The following AUTS2 variants were observed in gnomAD, a reference collection of about 807,000 sequenced individuals.
AUTS2 encodes autism susceptibility gene 2 protein.
In AUTS2, 17 loss-of-function variants were observed where a neutral mutation model predicts 112.4. That is an observed-to-expected ratio of 0.15 (90% CI 0.10 to 0.23). The LOEUF is 0.23. AUTS2 is among the 10% of genes least tolerant of loss of function. The pLI is 1.00. For missense variants in AUTS2, 1,510 were observed against 1,701.6 expected, an observed-to-expected ratio of 0.89 and a Z score of 1.98; for synonymous variants, 751 against 702.7, an observed-to-expected ratio of 1.07 and a Z score of -1.09.
intron 1 of AUTS2, among the ~76,000 whole-genome samples, chr7:69,696,190 G>A (rs956112103): frequency 3.9e-5 from 6 of 152,096 alleles, no homozygotes; most frequent in Non-Finnish European, 2.9e-5. Context: ...GGTTAGCCTC[G>A]GTGCACCTCT....
At chr7:69,862,918 G>A (rs116396917) in intron 1 of AUTS2, among the ~76,000 whole-genome samples, 65 of 152,294 alleles carry the variant, frequency 4.3e-4, no homozygotes, top group African/African-American at 1.6e-3. Context: ...GCCAAGCTGA[G>A]CTGTTTAAAA....
At chr7:70,783,352 A>G (rs752409090) in intron 15 of AUTS2, 9 of 152,148 alleles carry the variant, frequency 5.9e-5, no homozygotes, top group Non-Finnish European at 1.3e-4. Context: ...CCAATTCCGA[A>G]CTACTGTGAC....
chr7:70,197,560 C>G (rs1377064208), intron 4 of AUTS2, among the ~76,000 whole-genome samples: 1 of 115,286 alleles, frequency 8.7e-6, no homozygotes, highest in East Asian at 2.5e-4. Context: ...GTTCCCTTTC[C>G]GAGTCAAAGA....
intron 4 of AUTS2, among the ~76,000 whole-genome samples, chr7:70,393,570 C>G (rs879392700): frequency 6.6e-6 from 1 of 152,156 alleles, no homozygotes; most frequent in East Asian, 1.9e-4. Context: ...CTGTGTCTCA[C>G]AAGCACCTGT....
chr7:69,622,518 A>C (rs1793723079), intron 1 of AUTS2, among the ~76,000 whole-genome samples: 2 of 152,184 alleles, frequency 1.3e-5, no homozygotes, highest in Admixed American at 1.3e-4. Flanking sequence ...CTGTCATTAA[A>C]CCTCTGGAAA....
At chr7:70,086,242 A>G (rs1380683543) in intron 2 of AUTS2, among the ~76,000 whole-genome samples, 3 of 152,218 alleles carry the variant, frequency 2.0e-5, no homozygotes, top group Non-Finnish European at 2.9e-5. Context: ...TATTGAATCT[A>G]TAGACCAATT....
At chr7:70,131,902 G>A (rs933261364) in intron 3 of AUTS2, among the ~76,000 whole-genome samples, 6 of 151,788 alleles carry the variant, frequency 4.0e-5, no homozygotes, top group African/African-American at 1.5e-4. Flanking sequence ...CTGAATACAA[G>A]GCCGTAGTCA....
At chr7:70,418,523 G>A (rs559976125) in intron 4 of AUTS2, among the ~76,000 whole-genome samples, 9 of 152,208 alleles carry the variant, frequency 5.9e-5, no homozygotes, top group African/African-American at 2.2e-4. Context: ...TTGTGAGTGG[G>A]ACAAAAAAGT....
Position 70,069,708 on chromosome 7 carries a change from GT to G in AUTS2, c.523-48411del, listed in dbSNP as rs5884773. ...TCTATCAAAGGCCATGGTTTTTTTT[GT>G]TTTTTTTTTTTTCCTGTCCAGAGAC... On this transcript the variant is annotated intron_variant, in intron 2 of 18. Transcript: ENST00000342771. Among the ~76,000 whole-genome samples, 321 of 139,340 alleles carry G rather than the reference GT, an allele frequency of 2.3e-3. 3 individuals carry two copies. Among genetic ancestry groups the G allele is most frequent in the East Asian group, 8.0e-3 (38 of 4,760 alleles). The allele number at this position is 139,340 out of a possible 152,430, so 91.4% of individuals were successfully genotyped here. A position where few individuals can be genotyped will look rare whatever the true frequency, so the allele number is the denominator to read the frequency against.
At chr7:69,955,881 C>T (rs1436286511) in intron 2 of AUTS2, among the ~76,000 whole-genome samples, 1 of 152,144 alleles carries the variant, frequency 6.6e-6, no homozygotes, top group Non-Finnish European at 1.5e-5. Flanking sequence ...TTATTGCTCT[C>T]AGAGGTGTTT....
intron 1 of AUTS2, among the ~76,000 whole-genome samples, chr7:69,893,277 TA>T (rs1447598025): frequency 6.6e-6 from 1 of 152,236 alleles, no homozygotes; most frequent in Admixed American, 6.5e-5. Context: ...AATCTGTTCA[TA>T]AAGTCCATTT....
intron 1 of AUTS2, among the ~76,000 whole-genome samples, chr7:69,662,091 T>G (rs914942594): frequency 1.3e-5 from 2 of 152,146 alleles, no homozygotes; most frequent in Non-Finnish European, 2.9e-5. Context: ...CATGTATACT[T>G]CTTATTCCCT....
chr7:69,886,007 C>CAA (rs1326101148), intron 1 of AUTS2, among the ~76,000 whole-genome samples: 1 of 152,274 alleles, frequency 6.6e-6, no homozygotes, highest in East Asian at 1.9e-4. Context: ...GCTCTGGAGG[C>CAA]AAACCCTCCA....
intron 4 of AUTS2, among the ~76,000 whole-genome samples, chr7:70,243,536 A>G (rs1370835411): frequency 2.6e-5 from 4 of 152,084 alleles, no homozygotes; most frequent in East Asian, 3.9e-4. Flanking sequence ...ACTCTTTACT[A>G]TGTACCTTAT....
At chr7:69,763,082 G>A (rs1193271722) in intron 1 of AUTS2, among the ~76,000 whole-genome samples, 1 of 152,306 alleles carries the variant, frequency 6.6e-6, no homozygotes, top group East Asian at 1.9e-4. Flanking sequence ...ATGAGTGACT[G>A]CAGAGGATGA....
chr7:69,907,369 T>C (rs1375443535), intron 2 of AUTS2, among the ~76,000 whole-genome samples: 2 of 152,232 alleles, frequency 1.3e-5, no homozygotes, highest in Non-Finnish European at 2.9e-5. Flanking sequence ...TCTTGAACTT[T>C]GGGATACATT....
At chr7:70,458,336 T>C (rs149217884) in intron 5 of AUTS2, among the ~76,000 whole-genome samples, 1 of 152,356 alleles carries the variant, frequency 6.6e-6, no homozygotes, top group African/African-American at 2.4e-5. Flanking sequence ...CTCTATTACA[T>C]GCTAAGAGCA....
At position 70,095,751 on chromosome 7, in the gene AUTS2, A is replaced by T. The variant is rs546755704; in HGVS notation, c.523-22381A>T. ...TGTTGAGGGCTTCTAGATGCTGTAG[A>T]CTCTGTGATAGAGTCTAAAGAAAAG... On this transcript the variant is annotated intron_variant, in intron 2 of 18. Transcript: ENST00000342771. Among the ~76,000 whole-genome samples, 91 of 152,182 alleles carry T rather than the reference A, an allele frequency of 6.0e-4. 1 individual carries two copies. Among genetic ancestry groups the T allele is most frequent in the Non-Finnish European group, 1.1e-3 (75 of 68,008 alleles).
At chr7:70,401,962 A>C (rs1396745777) in intron 4 of AUTS2, among the ~76,000 whole-genome samples, 1 of 152,218 alleles carries the variant, frequency 6.6e-6, no homozygotes, top group African/African-American at 2.4e-5. Context: ...TTCTTACACT[A>C]TTCCCCCCAG....
Sources: allele counts gnomAD v4.1 joint callset (sites outside exome capture counted in the v4.1 genomes callset), GRCh38; gene constraint gnomAD v4.1.1; transcripts MANE v1.5; gene names NCBI Gene and HGNC (gene_info 2026-07-23, HGNC 2026-07-21).